Variants in NR6A1 observed in about 807,000 individuals in gnomAD.
NR6A1 encodes the protein nuclear receptor subfamily 6 group A member 1.
Under a neutral mutation model 59.1 loss-of-function variants are expected in NR6A1, and 7 were observed. The observed-to-expected ratio is 0.12, with a 90% CI of 0.07 to 0.22. The LOEUF is 0.22. NR6A1 is among the 10% of genes least tolerant of loss of function. The pLI is 1.00. For missense variants in NR6A1, 468 were observed against 611.6 expected, an observed-to-expected ratio of 0.77 and a Z score of 2.48; for synonymous variants, 243 against 236.1, an observed-to-expected ratio of 1.03 and a Z score of -0.27.
intron 2 of NR6A1, among the ~76,000 whole-genome samples, chr9:124,720,419 A>G (rs1839531610): frequency 6.6e-6 from 1 of 152,226 alleles, no homozygotes; most frequent in South Asian, 2.1e-4. Context: ...CAAACAAAAT[A>G]CATCTATAGG....
chr9:124,730,100 A>G (rs1839841342), intron 2 of NR6A1, among the ~76,000 whole-genome samples: 1 of 152,206 alleles, frequency 6.6e-6, no homozygotes, highest in Non-Finnish European at 1.5e-5. Context: ...GGCGTGAGCC[A>G]CCACGCCTGG....
intron 2 of NR6A1, among the ~76,000 whole-genome samples, chr9:124,662,130 C>T (rs1837458432): frequency 6.6e-6 from 1 of 151,280 alleles, no homozygotes; most frequent in Non-Finnish European, 1.5e-5. Context: ...ATTTTTTTCC[C>T]CCTTGGTTGC....
intron 2 of NR6A1, among the ~76,000 whole-genome samples, chr9:124,627,634 C>T: frequency 6.6e-6 from 1 of 152,204 alleles, no homozygotes; most frequent in South Asian, 2.1e-4. Context: ...CACAGTGATG[C>T]AATCACAGCT....
intron 2 of NR6A1, chr9:124,658,859 T>C (rs985071379): frequency 6.6e-6 from 1 of 152,200 alleles, no homozygotes; most frequent in Non-Finnish European, 1.5e-5. Context: ...AGTGGATTTT[T>C]TCGTCTCATT....
At chr9:124,603,138 G>A (rs907467436) in intron 2 of NR6A1, among the ~76,000 whole-genome samples, 1 of 152,006 alleles carries the variant, frequency 6.6e-6, no homozygotes, top group Non-Finnish European at 1.5e-5. Context: ...AATATACTAC[G>A]ACATTACTCA....
chr9:124,689,625 A>T (rs1838458389), intron 2 of NR6A1, among the ~76,000 whole-genome samples: 1 of 152,190 alleles, frequency 6.6e-6, no homozygotes, highest in South Asian at 2.1e-4. Flanking sequence ...TCACATTTTA[A>T]AGATGAGTTA....
intron 1 of NR6A1, among the ~76,000 whole-genome samples, chr9:124,757,451 T>TA (rs1326182551): frequency 1.3e-5 from 1 of 76,098 alleles, no homozygotes; most frequent in African/African-American, 4.9e-5. Context: ...ACTGTATGAC[T>TA]AAAAAAATGC....
intron 2 of NR6A1, among the ~76,000 whole-genome samples, chr9:124,722,677 C>T (rs1438756517): frequency 6.6e-6 from 1 of 152,186 alleles, no homozygotes; most frequent in Admixed American, 6.5e-5. Context: ...TAGAACTCTC[C>T]TTGGTGGGCA....
At chr9:124,662,681 C>T (rs1837480480) in intron 2 of NR6A1, among the ~76,000 whole-genome samples, 1 of 152,126 alleles carries the variant, frequency 6.6e-6, no homozygotes, top group South Asian at 2.1e-4. Flanking sequence ...GTCAGCAATT[C>T]AACTGGAATA....
intron 6 of NR6A1, among the ~76,000 whole-genome samples, chr9:124,537,304 G>A (rs777197323): frequency 1.3e-5 from 2 of 152,142 alleles, no homozygotes; most frequent in Admixed American, 6.5e-5. Flanking sequence ...TGGCCAGCTC[G>A]TCTGGAACTC....
rs1232488677 is a variant in NR6A1 at position 124,522,592 on chromosome 9, A to G, written c.*113T>C. On this transcript the variant is annotated 3_prime_UTR_variant, in exon 10 of 10. Coordinates refer to ENST00000487099, the MANE Select transcript of NR6A1 (RefSeq NM_033334.4). The stretch of plus-strand genomic sequence containing the variant: ...AAAAACTCTTCTTGCTATGGAGGCA[A>G]CGGGAAATGCTGCTCCACAGCCTCC... 17 of 689,662 alleles carry G rather than the reference A, an allele frequency of 2.5e-5. No individual in the cohort carries two copies. The highest frequency in any genetic ancestry group is 3.6e-5 in the Non-Finnish European group (15 of 416,260). 42.7% of individuals were successfully genotyped at this position (689,662 alleles called of 1,614,324 possible).
At chr9:124,539,929 T>C in intron 5 of NR6A1, 104 bp downstream of exon 5, 9 of 1,343,792 alleles carry the variant, frequency 6.7e-6, no homozygotes, top group South Asian at 3.0e-5. Flanking sequence ...AACAGTACAA[T>C]GGCTGAGACA....
intron 2 of NR6A1, among the ~76,000 whole-genome samples, chr9:124,636,137 A>G (rs1229739917): frequency 6.6e-6 from 1 of 152,124 alleles, no homozygotes; most frequent in Non-Finnish European, 1.5e-5. Context: ...ATGCTTTTTC[A>G]CCACTTATAT....
At chr9:124,678,186 C>T (rs907639395) in intron 2 of NR6A1, among the ~76,000 whole-genome samples, 1 of 152,314 alleles carries the variant, frequency 6.6e-6, no homozygotes, top group Admixed American at 6.5e-5. Context: ...TCACAACCAT[C>T]TTAAGGCCAT....
At chr9:124,532,379 A>C (rs1293293292) in intron 7 of NR6A1, among the ~76,000 whole-genome samples, 2 of 152,064 alleles carry the variant, frequency 1.3e-5, no homozygotes, top group Admixed American at 1.3e-4. Flanking sequence ...GAACAGACGT[A>C]CTCACTCCTT....
In NR6A1 at chr9:124,733,457, A is replaced by T. The variant is rs555375543; in HGVS notation, c.101-108T>A. ...GGGGGAAATCTATACTCAGAAGTCA[A>T]TTTGGGTTTCAATCCTAGCTCTAAC... On this transcript the variant is annotated intron_variant, in intron 1 of 9. Coordinates refer to ENST00000487099, the MANE Select transcript of NR6A1 (RefSeq NM_033334.4). 7.2e-5 allele frequency: 61 copies of T among 847,424 alleles called. 1 individual carries two copies. In the African/African-American group the frequency reaches 8.7e-4, roughly 12 times the overall value. The allele number at this position is 847,424 out of a possible 1,614,324, so 52.5% of individuals were successfully genotyped here. A position where few individuals can be genotyped will look rare whatever the true frequency, so the allele number is the denominator to read the frequency against.
intron 1 of NR6A1, among the ~76,000 whole-genome samples, chr9:124,768,701 T>C (rs1177592271): frequency 1.3e-5 from 2 of 152,250 alleles, no homozygotes; most frequent in African/African-American, 2.4e-5. Flanking sequence ...AATGAGACTA[T>C]GAATGGGAAA....
At chr9:124,538,850 A>T (rs1479151537) in intron 5 of NR6A1, among the ~76,000 whole-genome samples, 5 of 151,664 alleles carry the variant, frequency 3.3e-5, no homozygotes, top group African/African-American at 1.2e-4. Flanking sequence ...AGACAAAGGT[A>T]GATTTTTGCC....
At chr9:124,669,449 C>A (rs1837721678) in intron 2 of NR6A1, among the ~76,000 whole-genome samples, 2 of 152,168 alleles carry the variant, frequency 1.3e-5, no homozygotes, top group African/African-American at 4.8e-5. Flanking sequence ...AGAAAGAGTT[C>A]TTTCTTCAAA....
Sources: allele counts gnomAD v4.1 joint callset (sites outside exome capture counted in the v4.1 genomes callset), GRCh38; gene constraint gnomAD v4.1.1; transcripts MANE v1.5; gene names NCBI Gene and HGNC (gene_info 2026-07-23, HGNC 2026-07-21).